The following ZDHHC15 variants were observed in gnomAD, a reference collection of about 807,000 sequenced individuals.
ZDHHC15 encodes the protein zDHHC palmitoyltransferase 15.
In ZDHHC15, 19 loss-of-function variants were observed where a neutral mutation model predicts 31.7. That is an observed-to-expected ratio of 0.60 (90% CI 0.42 to 0.88). The LOEUF (loss-of-function observed/expected upper bound fraction) is 0.88, where lower values mean the gene tolerates loss of function less well. Among genes scored for constraint, ZDHHC15 ranks in the 40% least tolerant of loss-of-function variants. ZDHHC15 has a pLI of 0.00. For missense variants in ZDHHC15, 209 were observed against 251.2 expected, an observed-to-expected ratio of 0.83 and a Z score of 1.14; for synonymous variants, 103 against 90.0, an observed-to-expected ratio of 1.14 and a Z score of -0.82.
At chrX:75,516,281 A>T in intron 1 of ZDHHC15, among the ~76,000 whole-genome samples, 1 of 112,357 alleles carries the variant, frequency 8.9e-6, no homozygotes, top group Non-Finnish European at 1.9e-5. Context: ...TTGCCAAGAC[A>T]ATCCTAAGCC....
chrX:75,482,356 T>C (rs781493345), intron 2 of ZDHHC15, among the ~76,000 whole-genome samples: 5 of 112,245 alleles, frequency 4.5e-5, no homozygotes, highest in Admixed American at 2.8e-4. Flanking sequence ...AAGAGTTGCA[T>C]CCAATGTTTA....
At chrX:75,414,453 A>G (rs777365120) in intron 10 of ZDHHC15, among the ~76,000 whole-genome samples, 4 of 83,646 alleles carry the variant, frequency 4.8e-5, no homozygotes, top group African/African-American at 1.9e-4. Context: ...TTTTTGAGAC[A>G]CAGTCTCGCT....
chrX:75,450,471 T>C (rs1398482609), intron 4 of ZDHHC15, among the ~76,000 whole-genome samples: 1 of 111,934 alleles, frequency 8.9e-6, no homozygotes, highest in East Asian at 2.8e-4. Context: ...CTTACTGATG[T>C]CAGCTATTTA....
rs1048309742 is a variant in ZDHHC15, at chrX:75,372,626, C to T, written c.*352G>A. 5 of 110,962 alleles carry T rather than the reference C, an allele frequency of 4.5e-5. No homozygotes were observed. Among genetic ancestry groups the T allele is most frequent in the Non-Finnish European group, 9.4e-5 (5 of 52,920 alleles). The allele number at this position is 110,962 out of a possible 1,213,427, so 9.1% of individuals were successfully genotyped here. A position where few individuals can be genotyped will look rare whatever the true frequency, so the allele number is the denominator to read the frequency against. On this transcript the variant is annotated 3_prime_UTR_variant, in exon 12 of 12. Transcript: ENST00000373367. The stretch of plus-strand genomic sequence containing the variant: ...AATCTTTGTGGGGGAATTAAAGACT[C>T]TAAGGAAATTTTCTGAATTTCCTTT...
intron 11 of ZDHHC15, among the ~76,000 whole-genome samples, chrX:75,373,197 T>C (rs1296422146): frequency 1.8e-5 from 2 of 111,719 alleles, no homozygotes; most frequent in African/African-American, 6.5e-5. Context: ...GGTGGATTCA[T>C]GGGTAATTTG....
At chrX:75,389,226 C>T (rs971421552) in intron 10 of ZDHHC15, among the ~76,000 whole-genome samples, 3 of 111,549 alleles carry the variant, frequency 2.7e-5, no homozygotes, top group Admixed American at 9.5e-5. Flanking sequence ...TAGAAAGTAC[C>T]GCTACTGCAA....
In ZDHHC15 at chrX:75,390,446, G is replaced by A. The variant is rs773382032; in HGVS notation, c.968-11248C>T. Reference sequence around the variant, plus strand: ...AGGGCTGACCCAGCACAGCCCTAGTGGTGGTGGCCACAGGGGCACTTGTGT... The same window carrying A: ...AGGGCTGACCCAGCACAGCCCTAGTAGTGGTGGCCACAGGGGCACTTGTGT... On this transcript the variant is annotated intron_variant, in intron 10 of 11. Coordinates refer to ENST00000373367, the MANE Select transcript of ZDHHC15 (RefSeq NM_144969.3). Among the ~76,000 whole-genome samples, 4 of 111,526 alleles carry A rather than the reference G, an allele frequency of 3.6e-5. No homozygotes were observed. In the Admixed American group the frequency reaches 3.8e-4, roughly 11 times the overall value.
At chrX:75,485,780 T>C (rs763405366) in intron 2 of ZDHHC15, among the ~76,000 whole-genome samples, 1 of 112,740 alleles carries the variant, frequency 8.9e-6, no homozygotes, top group African/African-American at 3.2e-5. Context: ...ACTCCATCCG[T>C]AACTCTGTAG....
chrX:75,491,088 A>G (rs1602720897), intron 2 of ZDHHC15, among the ~76,000 whole-genome samples: 1 of 111,478 alleles, frequency 9.0e-6, no homozygotes, highest in Non-Finnish European at 1.9e-5. Flanking sequence ...GGGATCTAGA[A>G]CTAGAAATAC....
At chrX:75,489,684 C>A (rs2084842242) in intron 2 of ZDHHC15, among the ~76,000 whole-genome samples, 1 of 112,180 alleles carries the variant, frequency 8.9e-6, no homozygotes, top group African/African-American at 3.2e-5. Flanking sequence ...ATCAGAGGAC[C>A]TCTCCTCCTC....
intron 4 of ZDHHC15, among the ~76,000 whole-genome samples, chrX:75,442,663 T>TG (rs1463152860): frequency 1.8e-5 from 2 of 111,365 alleles, no homozygotes; most frequent in Admixed American, 9.5e-5. Flanking sequence ...TACAAACAAA[T>TG]GAAGAACATT....
At chrX:75,516,134 A>G (rs924413835) in intron 1 of ZDHHC15, among the ~76,000 whole-genome samples, 2 of 112,053 alleles carry the variant, frequency 1.8e-5, no homozygotes, top group African/African-American at 6.5e-5. Context: ...AGGAAGAATC[A>G]ATATCATGAA....
At chrX:75,399,456 C>G in intron 10 of ZDHHC15, among the ~76,000 whole-genome samples, 1 of 112,229 alleles carries the variant, frequency 8.9e-6, no homozygotes, top group Middle Eastern at 4.6e-3. Flanking sequence ...TGGCTCATCA[C>G]CAGACAGGGA....
chrX:75,442,155 G>C (rs1052743154), intron 4 of ZDHHC15, among the ~76,000 whole-genome samples: 1 of 112,096 alleles, frequency 8.9e-6, no homozygotes, highest in Non-Finnish European at 1.9e-5. Flanking sequence ...GGTGAGATTA[G>C]CATTTGAATC....
chrX:75,405,522 C>T, intron 10 of ZDHHC15, among the ~76,000 whole-genome samples: 1 of 111,588 alleles, frequency 9.0e-6, no homozygotes, highest in Middle Eastern at 4.6e-3. Context: ...GTAACTTACT[C>T]ATATCTGATA....
chrX:75,477,306 T>C (rs1019102692), intron 3 of ZDHHC15, among the ~76,000 whole-genome samples: 1 of 111,636 alleles, frequency 9.0e-6, no homozygotes, highest in Admixed American at 9.6e-5. Flanking sequence ...ATGTTCTGCG[T>C]ACACTTAGGA....
In ZDHHC15 at chrX:75,448,420, C is replaced by T. The variant is rs184435153; in HGVS notation, c.379+2382G>A. Among the ~76,000 whole-genome samples, 94 of 112,182 alleles carry T rather than the reference C, an allele frequency of 8.4e-4. 1 individual carries two copies. Among genetic ancestry groups the T allele is most frequent in the African/African-American group, 2.6e-3 (80 of 30,959 alleles). ...GATCTGTTATTGTTATGGGTGTTTC[C>T]TTCTTATGTTGTTATGAATACAGTT... On this transcript the variant is annotated intron_variant, in intron 4 of 11. Transcript: ENST00000373367.
At chrX:75,441,663 G>A (rs1417883941) in intron 4 of ZDHHC15, among the ~76,000 whole-genome samples, 4 of 98,841 alleles carry the variant, frequency 4.0e-5, no homozygotes, top group Admixed American at 1.2e-4. Context: ...TCGCTCTGTC[G>A]CCCAGGCTGG....
chrX:75,501,232 G>A (rs1325055851), intron 2 of ZDHHC15, among the ~76,000 whole-genome samples: 1 of 110,266 alleles, frequency 9.1e-6, no homozygotes, highest in Non-Finnish European at 1.9e-5. Flanking sequence ...TTTTCTGTTC[G>A]GTAAAGATAA....
Sources: gnomAD v4.1 joint callset for allele counts (sites outside exome capture counted in the v4.1 genomes callset) on GRCh38, gnomAD v4.1.1 for gene constraint, MANE v1.5 for transcripts, NCBI Gene and HGNC (gene_info 2026-07-23, HGNC 2026-07-21) for gene names.